Variants in PAK5 observed in about 807,000 individuals in gnomAD.
The protein encoded by PAK5 is p21 (RAC1) activated kinase 5, also known as serine/threonine-protein kinase PAK 5.
PAK5 carries 16 observed loss-of-function variants against 65.9 expected under a neutral mutation model. That is an observed-to-expected ratio of 0.24 (90% confidence interval 0.16 to 0.37). The LOEUF is 0.37. PAK5 is among the 10% of genes least tolerant of loss of function. The probability of loss-of-function intolerance (pLI) is 1.00; values close to 1 mark genes in which losing one functional copy is unlikely to be tolerated. For missense variants in PAK5, 785 were observed against 903.9 expected (o/e 0.87, Z 1.69); for synonymous variants, 371 against 354.9 (o/e 1.05, Z -0.51).
intron 1 of PAK5, among the ~76,000 whole-genome samples, chr20:9,830,482 A>G (rs1447967634): frequency 6.6e-6 from 1 of 152,218 alleles, no homozygotes; most frequent in Non-Finnish European, 1.5e-5. Context: ...ATGGTGAACT[A>G]AACTCAAACA....
At chr20:9,675,009 T>C (rs891606806) in intron 2 of PAK5, among the ~76,000 whole-genome samples, 4 of 152,202 alleles carry the variant, frequency 2.6e-5, no homozygotes, top group African/African-American at 9.7e-5. Flanking sequence ...ACTGGGGATC[T>C]GGGTGAGCCA....
At chr20:9,778,068 A>C (rs889327166) in intron 1 of PAK5, among the ~76,000 whole-genome samples, 2 of 152,348 alleles carry the variant, frequency 1.3e-5, no homozygotes, top group Admixed American at 1.3e-4. Context: ...TTTAACTATT[A>C]GTTAAAATAT....
chr20:9,597,428 A>G (rs1251899804), intron 3 of PAK5, among the ~76,000 whole-genome samples: 1 of 152,150 alleles, frequency 6.6e-6, no homozygotes, highest in African/African-American at 2.4e-5. Flanking sequence ...ACAAGCACTG[A>G]CCCTTTATGT....
chr20:9,743,670 T>C (rs2048475495), intron 1 of PAK5, among the ~76,000 whole-genome samples: 1 of 152,184 alleles, frequency 6.6e-6, no homozygotes. Context: ...GTGACATTTC[T>C]ATGTTGGGTA....
intron 1 of PAK5, among the ~76,000 whole-genome samples, chr20:9,827,671 A>G (rs559633774): frequency 6.6e-6 from 1 of 152,140 alleles, no homozygotes; most frequent in Non-Finnish European, 1.5e-5. Flanking sequence ...TTTTCAATGA[A>G]GGTGTGATAC....
At chr20:9,556,151 T>G (rs2045502815) in intron 7 of PAK5, among the ~76,000 whole-genome samples, 1 of 152,218 alleles carries the variant, frequency 6.6e-6, no homozygotes, top group African/African-American at 2.4e-5. Flanking sequence ...GATACATGCT[T>G]CTACTGTACC....
At chr20:9,656,738 G>A (rs1600205888) in intron 2 of PAK5, among the ~76,000 whole-genome samples, 1 of 152,198 alleles carries the variant, frequency 6.6e-6, no homozygotes, top group East Asian at 1.9e-4. Flanking sequence ...AACATTTAAT[G>A]AGTTAATACT....
chr20:9,667,935 G>A (rs970128648), intron 2 of PAK5, among the ~76,000 whole-genome samples: 1 of 152,078 alleles, frequency 6.6e-6, no homozygotes. Context: ...TAGCTTGCCA[G>A]TATTAAGGAT....
At chr20:9,803,985 T>C (rs1476137041) in intron 1 of PAK5, among the ~76,000 whole-genome samples, 1 of 152,180 alleles carries the variant, frequency 6.6e-6, no homozygotes, top group Non-Finnish European at 1.5e-5. Context: ...TTAAGCCTAG[T>C]GATTCCTCCA....
At chr20:9,822,011 C>G (rs959769215) in intron 1 of PAK5, among the ~76,000 whole-genome samples, 7 of 152,046 alleles carry the variant, frequency 4.6e-5, no homozygotes, top group African/African-American at 1.7e-4. Context: ...AATGCAGGCC[C>G]GGTGTGGTGG....
intron 1 of PAK5, among the ~76,000 whole-genome samples, chr20:9,715,687 ACATATACAC>A (rs2048136567): frequency 1.3e-5 from 2 of 152,088 alleles, no homozygotes; most frequent in African/African-American, 4.8e-5. Flanking sequence ...AAAATGTGGC[ACATATACAC>A]CATGGAATAC....
At chr20:9,635,435 C>T (rs1638666160) in intron 3 of PAK5, among the ~76,000 whole-genome samples, 1 of 152,170 alleles carries the variant, frequency 6.6e-6, no homozygotes, top group African/African-American at 2.4e-5. Context: ...GCCATCCAAT[C>T]TCTACTTGTC....
chr20:9,582,419 C>T (rs983959541), intron 3 of PAK5, among the ~76,000 whole-genome samples: 3 of 152,066 alleles, frequency 2.0e-5, no homozygotes, highest in African/African-American at 7.2e-5. Flanking sequence ...CATGTTTAAA[C>T]AGAGGTTATT....
rs891361469 is a variant in PAK5 at position 9,642,035 on chromosome 20, C to A, written c.204+2090G>T. Among the ~76,000 whole-genome samples the A allele has an allele frequency of 2.6e-5, 4 of 152,332 alleles. No homozygotes were observed. In the East Asian group the frequency reaches 7.7e-4, roughly 29 times the overall value. On this transcript the variant is annotated intron_variant, in intron 3 of 9. Transcript: ENST00000353224. ...CCTTGGCCAGCCCAGAAAGGGGCTC[C>A]CACAGTGCAGCGGGGGGGCTGAAGG...
chr20:9,782,349 T>C (rs2048949720), intron 1 of PAK5, among the ~76,000 whole-genome samples: 1 of 152,162 alleles, frequency 6.6e-6, no homozygotes, highest in Admixed American at 6.6e-5. Context: ...CAACGATTCT[T>C]ACCTGTTCTC....
At chr20:9,590,399 C>T (rs78988147) in intron 3 of PAK5, among the ~76,000 whole-genome samples, 10,383 of 152,192 alleles carry the variant, frequency 0.068, 682 homozygotes, top group African/African-American at 0.17. Context: ...AAATCTGGCC[C>T]TCTGCCTGTT....
intron 2 of PAK5, among the ~76,000 whole-genome samples, chr20:9,659,178 C>G (rs1022168998): frequency 6.6e-6 from 1 of 152,308 alleles, no homozygotes; most frequent in East Asian, 1.9e-4. Flanking sequence ...AAAATGAGAT[C>G]TTCCATAAAT....
In PAK5 at chr20:9,623,609, T is replaced by C. The variant is rs73247459; in HGVS notation, c.204+20516A>G. On this transcript the variant is annotated intron_variant, in intron 3 of 9. Coordinates refer to ENST00000353224, the MANE Select transcript of PAK5 (RefSeq NM_177990.4). ...AAGACAATGCTTACAGATACCCAAATAAAAGTACAGTATTAGACTAAGATA... is the reference window on the plus strand; with the variant it reads ...AAGACAATGCTTACAGATACCCAAACAAAAGTACAGTATTAGACTAAGATA... Among the ~76,000 whole-genome samples the C allele has an allele frequency of 9.4e-3, 1,426 of 152,096 alleles. 22 individuals carry two copies. Among genetic ancestry groups the C allele is most frequent in the African/African-American group, 0.033 (1,352 of 41,474 alleles).
chr20:9,616,305 T>C (rs980940197), intron 3 of PAK5, among the ~76,000 whole-genome samples: 1 of 152,220 alleles, frequency 6.6e-6, no homozygotes, highest in Non-Finnish European at 1.5e-5. Flanking sequence ...GATGAGGAAC[T>C]GAAAGCACAG....
Sources: gnomAD v4.1 joint callset for allele counts (sites outside exome capture counted in the v4.1 genomes callset) on GRCh38, gnomAD v4.1.1 for gene constraint, MANE v1.5 for transcripts, NCBI Gene and HGNC (gene_info 2026-07-23, HGNC 2026-07-21) for gene names.